The following LIN28B variants were observed in gnomAD, a reference collection of about 807,000 sequenced individuals.
LIN28B encodes the protein lin-28 RNA binding posttranscriptional regulator B.
In LIN28B, 5 loss-of-function variants were observed where a neutral mutation model predicts 21.9. The ratio of observed to expected loss-of-function variants is 0.23; its 90% CI spans 0.12 to 0.48. LIN28B has a LOEUF of 0.48. LIN28B is among the 20% of genes least tolerant of loss of function. The pLI is 0.98. For missense variants in LIN28B, 245 were observed against 310.5 expected, an observed-to-expected ratio of 0.79 and a Z score of 1.58; for synonymous variants, 109 against 111.3, an observed-to-expected ratio of 0.98 and a Z score of 0.13.
chr6:105,059,907 A>G, intron 3 of LIN28B, among the ~76,000 whole-genome samples: 1 of 143,130 alleles, frequency 7.0e-6, no homozygotes, highest in East Asian at 2.0e-4. Context: ...ATGTTACTGT[A>G]TTTTTTTTTT....
chr6:105,006,350 TG>T (rs898008896), intron 2 of LIN28B, among the ~76,000 whole-genome samples: 2 of 152,304 alleles, frequency 1.3e-5, no homozygotes, highest in South Asian at 2.1e-4. Flanking sequence ...CTCGCTTTGT[TG>T]CCCAGGCTGG....
At chr6:104,940,060 C>A (rs75255606) in intron 2 of LIN28B, 2,604 of 156,774 alleles carry the variant, frequency 0.017, 75 homozygotes, top group African/African-American at 0.06. Flanking sequence ...TTTGTATCAT[C>A]CAATTTGACG....
At chr6:105,071,722 A>T (rs1772337596) in intron 3 of LIN28B, among the ~76,000 whole-genome samples, 1 of 152,206 alleles carries the variant, frequency 6.6e-6, no homozygotes, top group Non-Finnish European at 1.5e-5. Context: ...TCAGAGCCTA[A>T]ATAAATCATT....
chr6:104,956,946 AAATT>A (rs2114563154), upstream of LIN28B: 7 of 520,610 alleles, frequency 1.3e-5, no homozygotes, highest in East Asian at 2.9e-4. Context: ...GTTCATTCAT[AAATT>A]ATTTTGATGT....
At chr6:104,948,355 T>C (rs1208421955) in intron 2 of LIN28B, among the ~76,000 whole-genome samples, 1 of 151,784 alleles carries the variant, frequency 6.6e-6, no homozygotes, top group Non-Finnish European at 1.5e-5. Flanking sequence ...TAATCCCAGC[T>C]ACTCGGGAGG....
At chr6:104,989,576 G>GGTTTT in intron 2 of LIN28B, among the ~76,000 whole-genome samples, 1 of 60,572 alleles carries the variant, frequency 1.7e-5, no homozygotes, top group Non-Finnish European at 3.0e-5. Flanking sequence ...TTTTACTTGG[G>GGTTTT]TTTTTTTTTT....
intron 3 of LIN28B, among the ~76,000 whole-genome samples, chr6:105,057,034 T>C (rs1772035202): frequency 6.6e-6 from 1 of 152,204 alleles, no homozygotes; most frequent in South Asian, 2.1e-4. Flanking sequence ...GTCTAATAAG[T>C]CTATCATATT....
intron 2 of LIN28B, among the ~76,000 whole-genome samples, chr6:104,991,689 C>T (rs1229372217): frequency 2.6e-5 from 4 of 151,682 alleles, no homozygotes; most frequent in African/African-American, 4.8e-5. Context: ...TGTAGCGAGC[C>T]GAGATCACGC....
intron 2 of LIN28B, among the ~76,000 whole-genome samples, chr6:104,988,569 A>ATTTT (rs369912825): frequency 2.4e-5 from 3 of 127,126 alleles, no homozygotes; most frequent in Non-Finnish European, 3.2e-5. Flanking sequence ...GACTACCTAG[A>ATTTT]TTTTTTTTTT....
At chr6:105,054,791 G>A (rs546610188) in intron 3 of LIN28B, among the ~76,000 whole-genome samples, 34 of 152,046 alleles carry the variant, frequency 2.2e-4, no homozygotes, top group Non-Finnish European at 4.1e-4. Context: ...CCACACACCC[G>A]GGGTGCAAGC....
chr6:105,026,584 A>G, intron 3 of LIN28B, 102 bp downstream of exon 3: 1 of 715,916 alleles, frequency 1.4e-6, no homozygotes, highest in Non-Finnish European at 2.4e-6. Flanking sequence ...AGCCAAAGGA[A>G]ACCACCATCA....
intron 2 of LIN28B, among the ~76,000 whole-genome samples, chr6:104,995,967 A>T (rs1008810181): frequency 2.7e-5 from 4 of 146,676 alleles, no homozygotes; most frequent in Non-Finnish European, 6.0e-5. Context: ...TATATACTTT[A>T]TATATATATA....
chr6:104,975,331 C>A (rs186188034), intron 2 of LIN28B, among the ~76,000 whole-genome samples: 29 of 151,970 alleles, frequency 1.9e-4, no homozygotes, highest in African/African-American at 7.0e-4. Context: ...CTGTTAATTC[C>A]TCTGCAGATT....
intron 2 of LIN28B, among the ~76,000 whole-genome samples, chr6:104,983,655 C>T (rs1232182022): frequency 4.6e-5 from 7 of 152,194 alleles, no homozygotes; most frequent in Admixed American, 2.6e-4. Flanking sequence ...CGGCTCGCTG[C>T]AACCTCCACC....
chr6:104,953,474 T>C (rs1350544051), upstream of LIN28B, among the ~76,000 whole-genome samples: 2 of 152,212 alleles, frequency 1.3e-5, no homozygotes, highest in Admixed American at 1.3e-4. Context: ...CGTAGTGTTT[T>C]TGCCATAGTA....
chr6:104,982,130 C>T lies in LIN28B; in HGVS notation c.198+23844C>T, dbSNP rs149215546. 6.7e-3 allele frequency among the ~76,000 whole-genome samples: 1,013 copies of T among 152,026 alleles called. 7 individuals carry two copies. Among genetic ancestry groups the T allele is most frequent in the African/African-American group, 0.023 (936 of 41,464 alleles). ...GAGATTGAGACCATCCTGGCTAACA[C>T]GGTGAAACCCTGTCTCTACTAAAAG... On this transcript the variant is annotated intron_variant, in intron 2 of 3. Transcript: ENST00000345080.
At chr6:104,968,490 A>AT (rs980947768) in intron 2 of LIN28B, among the ~76,000 whole-genome samples, 3 of 152,210 alleles carry the variant, frequency 2.0e-5, no homozygotes, top group Non-Finnish European at 4.4e-5. Context: ...AATCTTTGTC[A>AT]TAACAGCCCA....
At chr6:104,951,282 G>T (rs935585711) in intron 3 of LIN28B, among the ~76,000 whole-genome samples, 4 of 152,074 alleles carry the variant, frequency 2.6e-5, no homozygotes, top group African/African-American at 9.7e-5. Flanking sequence ...CAAGTAAAAT[G>T]ATGTTATTCT....
intron 3 of LIN28B, among the ~76,000 whole-genome samples, chr6:105,028,065 TA>T (rs1234143926): frequency 6.6e-6 from 1 of 152,216 alleles, no homozygotes; most frequent in Non-Finnish European, 1.5e-5. Context: ...CATACATACT[TA>T]AATACGTACA....
Sources: allele counts gnomAD v4.1 joint callset (sites outside exome capture counted in the v4.1 genomes callset), GRCh38; gene constraint gnomAD v4.1.1; transcripts MANE v1.5; gene names NCBI Gene and HGNC (gene_info 2026-07-23, HGNC 2026-07-21).